LAMB4: variants seen among roughly 807,000 people sequenced by gnomAD.
LAMB4 encodes the protein laminin subunit beta-4.
A neutral mutation model predicts 199.2 loss-of-function variants in LAMB4; 196 were observed. That is an observed-to-expected ratio of 0.98 (90% CI 0.88 to 1.11). LAMB4 has a LOEUF of 1.11. LAMB4 is among the 50% of genes least tolerant of loss of function. LAMB4 has a pLI of 0.00. For synonymous variants in LAMB4, 744 were observed against 770.6 expected, an observed-to-expected ratio of 0.97 and a Z score of 0.57; for missense variants, 2,080 against 2,171.2, an observed-to-expected ratio of 0.96 and a Z score of 0.83.
chr7:108,026,105 G>A (rs983722820), intron 33 of LAMB4, among the ~76,000 whole-genome samples: 14 of 152,128 alleles, frequency 9.2e-5, no homozygotes, highest in Non-Finnish European at 2.9e-5. Context: ...CTCTGGTAAC[G>A]TTCCTGCTTC....
rs564212091 is a variant in LAMB4, at chr7:108,051,854, G to A, written c.3916+243C>T. Among the ~76,000 whole-genome samples, 8 of 152,240 alleles carry A rather than the reference G, an allele frequency of 5.3e-5. No homozygotes were observed. The South Asian group carries it at 1.5e-3, about 28-fold the overall frequency. ...GGTTTGGCACTAGATTACTTTGGGT[G>A]TTAGCATTTGTTTAATATCAGACAT... On this transcript the variant is annotated intron_variant, in intron 26 of 33. Transcript: ENST00000388781.
At chr7:108,054,625 T>A (rs1375358966) in intron 25 of LAMB4, among the ~76,000 whole-genome samples, 1 of 152,182 alleles carries the variant, frequency 6.6e-6, no homozygotes, top group Admixed American at 6.5e-5. Context: ...ATCCTGGTTT[T>A]GCCCTTAACA....
intron 14 of LAMB4, among the ~76,000 whole-genome samples, chr7:108,090,863 G>T (rs998459984): frequency 1.4e-4 from 21 of 152,118 alleles, no homozygotes; most frequent in Admixed American, 1.4e-3. Flanking sequence ...TAGGGACAAC[G>T]AAAATCTCCT....
chr7:108,122,587 T>C (rs1335749599), intron 2 of LAMB4, among the ~76,000 whole-genome samples: 2 of 152,246 alleles, frequency 1.3e-5, no homozygotes, highest in African/African-American at 4.8e-5. Flanking sequence ...ATTTAGTTAG[T>C]AATCAGTAAC....
At chr7:108,044,434 C>G (rs187408330) in intron 28 of LAMB4, among the ~76,000 whole-genome samples, 1 of 152,284 alleles carries the variant, frequency 6.6e-6, no homozygotes, top group African/African-American at 2.4e-5. Context: ...ACACTTTGTA[C>G]TCTTGGTAGA....
Position 108,091,732 on chromosome 7 carries a change from G to A in LAMB4, c.1595C>T (p.Thr532Ile). 1 of 1,614,208 alleles carries A rather than the reference G, an allele frequency of 6.2e-7. No homozygotes were observed. Among genetic ancestry groups the A allele is most frequent in the Non-Finnish European group, 8.5e-7 (1 of 1,180,038 alleles). Residue 532 changes from threonine to isoleucine, a missense_variant, in exon 14 of 34, where the codon ACT becomes ATT. Thr to Ile is a moderately conservative substitution (Grantham distance 89). Coordinates refer to ENST00000388781, the MANE Select transcript of LAMB4 (RefSeq NM_007356.3). ...GGCTGGTTCAGAGCAGCTACGGCCA[G>A]TGACATGTGGGCGGCATTCACACTG... ...NGQCECRPHV[T>I]GRSCSEPAPG...
intron 5 of LAMB4, 147 bp downstream of exon 5, chr7:108,109,023 GT>G (rs1276448903): frequency 1.3e-5 from 8 of 607,458 alleles, no homozygotes; most frequent in Non-Finnish European, 2.4e-5. Flanking sequence ...TTTTCTTCAT[GT>G]AAGAGTCAAA....
chr7:108,084,784 CTTTTTTTTTTTTTT>C (rs745640979), intron 14 of LAMB4, among the ~76,000 whole-genome samples: 2 of 96,526 alleles, frequency 2.1e-5, no homozygotes, highest in African/African-American at 8.1e-5. Flanking sequence ...CCAAGGAATC[CTTTTTTTTTTTTTT>C]TTTTTTTTTT....
intron 33 of LAMB4, among the ~76,000 whole-genome samples, chr7:108,028,472 A>ATTT (rs1195925912): frequency 2.7e-4 from 30 of 111,788 alleles, no homozygotes; most frequent in Middle Eastern, 5.2e-3. Flanking sequence ...AAAAAAGGGC[A>ATTT]TTTTTTTTTT....
intron 21 of LAMB4, among the ~76,000 whole-genome samples, chr7:108,064,393 G>A (rs925400682): frequency 3.3e-5 from 5 of 152,168 alleles, no homozygotes; most frequent in Non-Finnish European, 7.4e-5. Flanking sequence ...AATAAAGCAG[G>A]CCTGAAGAGA....
intron 29 of LAMB4, among the ~76,000 whole-genome samples, chr7:108,038,998 C>T (rs2035325571): frequency 1.3e-5 from 2 of 152,136 alleles, no homozygotes; most frequent in Non-Finnish European, 2.9e-5. Context: ...GAAAATACTC[C>T]AGGAAGGACT....
intron 5 of LAMB4, 134 bp from the exon 6 acceptor site, chr7:108,107,953 G>A: frequency 1.4e-6 from 1 of 701,300 alleles, no homozygotes; most frequent in Non-Finnish European, 2.3e-6. Context: ...GTTTTGTTTT[G>A]TTTTTGAGAC....
intron 28 of LAMB4, 150 bp from the exon 29 acceptor site, chr7:108,044,046 A>G: frequency 1.7e-6 from 1 of 583,436 alleles, no homozygotes. Context: ...TTTGCAAGGA[A>G]TCTTTTACAA....
the LAMB4 span, among the ~76,000 whole-genome samples, chr7:108,012,211 A>G: frequency 6.6e-6 from 1 of 152,180 alleles, no homozygotes; most frequent in South Asian, 2.1e-4. Context: ...AAGGAGACAT[A>G]GAAATGATAA....
chr7:108,051,789 A>G (rs1014721085), intron 26 of LAMB4, among the ~76,000 whole-genome samples: 2 of 152,056 alleles, frequency 1.3e-5, no homozygotes, highest in Non-Finnish European at 2.9e-5. Flanking sequence ...TGGCCATATT[A>G]GAATTTCTAA....
intron 17 of LAMB4, among the ~76,000 whole-genome samples, chr7:108,071,353 C>G (rs1584682775): frequency 6.6e-6 from 1 of 152,144 alleles, no homozygotes; most frequent in Non-Finnish European, 1.5e-5. Context: ...CAGCACCCCC[C>G]TAACTCCACA....
chr7:108,105,895 G>T lies in LAMB4; in HGVS notation c.792C>A (p.Ser264Arg). Residue 264 changes from serine to arginine, a missense_variant, in exon 8 of 34, where the codon AGC becomes AGA. Transcript: ENST00000388781. The stretch of plus-strand genomic sequence containing the variant: ...CGCTAGCATGGCCATTGCAAAAGCA[G>T]CTTCCCCGAACAATCATCTCGTACA... The part of the protein sequence containing the change: ...YALYEMIVRG[S>R]CFCNGHASEC... The T allele has an allele frequency of 6.2e-7, 1 of 1,614,262 alleles. No individual in the cohort carries two copies. The highest frequency in any genetic ancestry group is 8.5e-7 in the Non-Finnish European group (1 of 1,180,038).
At position 108,109,239 on chromosome 7, in the gene LAMB4, C is replaced by G; in HGVS notation, c.334G>C (p.Asp112His). The stretch of plus-strand genomic sequence containing the variant: ...AAGTCCAGTCTGATGCTGACATGAT[C>G]AAGACCTAAGGAAGAATCCAGAAAG... Reference protein sequence around the residue: ...KKWWQSENGLDHVSIRLDLEA... With the variant: ...KKWWQSENGLHHVSIRLDLEA... Residue 112 changes from aspartate (D) to histidine (H), a missense_variant, in exon 5 of 34, where the codon GAT (aspartate) becomes CAT (histidine). Physicochemically the swap from Asp to His is moderately conservative, Grantham distance 81. Transcript: ENST00000388781. 6.2e-7 allele frequency: 1 copy of G among 1,611,396 alleles called. No homozygotes were observed. The highest frequency in any genetic ancestry group is 1.3e-5 in the African/African-American group (1 of 74,996).
chr7:108,090,977 G>A (rs1232169756), intron 14 of LAMB4, among the ~76,000 whole-genome samples: 2 of 152,196 alleles, frequency 1.3e-5, no homozygotes, highest in East Asian at 1.9e-4. Flanking sequence ...GAGATTCCAG[G>A]AATGACTCGG....
Sources: gnomAD v4.1 joint callset for allele counts (sites outside exome capture counted in the v4.1 genomes callset) on GRCh38, gnomAD v4.1.1 for gene constraint, MANE v1.5 for transcripts, NCBI Gene and HGNC (gene_info 2026-07-23, HGNC 2026-07-21) for gene names.